SETD2: variants seen among roughly 807,000 people sequenced by gnomAD.
SETD2 encodes the protein SET domain containing 2, histone lysine methyltransferase, also known as histone-lysine N-methyltransferase SETD2.
Under a neutral mutation model 242.1 loss-of-function variants are expected in SETD2, and 31 were observed. The ratio of observed to expected loss-of-function variants is 0.13; its 90% CI spans 0.10 to 0.17. The LOEUF is 0.17. Ranked by LOEUF, SETD2 falls within the 10% of genes least tolerant of loss-of-function variation. SETD2 has a pLI of 1.00. For missense variants in SETD2, 2,481 were observed against 3,046.3 expected (o/e 0.81, Z 4.37); for synonymous variants, 1,006 against 1,066.5 (o/e 0.94, Z 1.11).
intron 1 of SETD2, among the ~76,000 whole-genome samples, chr3:47,153,759 A>G (rs1222730366): frequency 7.5e-6 from 1 of 134,082 alleles, no homozygotes; most frequent in African/African-American, 2.7e-5. Flanking sequence ...TCCAAAAAAG[A>G]AAAAAAAAAA....
chr3:47,048,610 T>C (rs955866140), intron 15 of SETD2, among the ~76,000 whole-genome samples: 31 of 152,202 alleles, frequency 2.0e-4, no homozygotes, highest in African/African-American at 7.2e-4. Context: ...TTTTACTTTA[T>C]AAACAAATTT....
rs1186595470 is a variant in SETD2, at chr3:47,062,344, T to C, written c.6112A>G (p.Thr2038Ala). 4.4e-6 allele frequency: 7 copies of C among 1,586,758 alleles called. No homozygotes were observed. In the East Asian group the frequency reaches 9.0e-5, roughly 20 times the overall value. Residue 2038 changes from threonine (T) to alanine (A), a missense_variant and splice_region_variant, in exon 14 of 21, where the codon ACT (threonine) becomes GCT (alanine). Around this residue, in one of 17 missense-constraint regions of SETD2, gnomAD observed 80 missense variants for 102.6 expected, o/e 0.78. Transcript: ENST00000409792. ...KSQTEKENTT[T>A]ERGRDAVGFR... is the part of the protein sequence containing the mutation. ...CCAACAGCATCCCTTCCTCGTTCAG[T>C]TGCTAAGGGAAAAGGGTGGTTTGTT...
intron 12 of SETD2, among the ~76,000 whole-genome samples, chr3:47,074,873 C>A (rs2040983295): frequency 6.6e-6 from 1 of 152,170 alleles, no homozygotes; most frequent in African/African-American, 2.4e-5. Context: ...CGGTGGCTCA[C>A]GCCTGTAATC....
chr3:47,087,035 T>TA (rs58714292), intron 10 of SETD2, among the ~76,000 whole-genome samples: 135 of 139,890 alleles, frequency 9.7e-4, no homozygotes, highest in Middle Eastern at 7.2e-3. Flanking sequence ...AGCAAGACCC[T>TA]AAAAAAAAAA....
intron 12 of SETD2, among the ~76,000 whole-genome samples, chr3:47,068,366 A>G (rs2040655142): frequency 6.6e-6 from 1 of 152,222 alleles, no homozygotes; most frequent in Non-Finnish European, 1.5e-5. Flanking sequence ...GGAAATCTAT[A>G]TAAATGAAAA....
intron 13 of SETD2, among the ~76,000 whole-genome samples, chr3:47,065,138 C>A (rs2040506025): frequency 6.6e-6 from 1 of 152,186 alleles, no homozygotes; most frequent in African/African-American, 2.4e-5. Context: ...TGATAATCAA[C>A]CCTATAGTGG....
At chr3:47,158,813 C>T (rs866429104) in intron 1 of SETD2, among the ~76,000 whole-genome samples, 2 of 152,254 alleles carry the variant, frequency 1.3e-5, no homozygotes, top group African/African-American at 2.4e-5. Context: ...CTGATTTCTA[C>T]ACAAATCACA....
chr3:47,110,558 G>A (rs1006733102), intron 5 of SETD2, among the ~76,000 whole-genome samples: 2 of 152,044 alleles, frequency 1.3e-5, no homozygotes, highest in African/African-American at 4.8e-5. Context: ...TTTTGGTGGG[G>A]TCTGCCATGG....
At chr3:47,109,394 C>G (rs556014510) in intron 5 of SETD2, among the ~76,000 whole-genome samples, 1 of 152,194 alleles carries the variant, frequency 6.6e-6, no homozygotes, top group East Asian at 1.9e-4. Context: ...GCCTGTAATA[C>G]CAGAACTTTG....
At position 47,121,844 on chromosome 3, in the gene SETD2, T is replaced by C. The variant is rs770681498; in HGVS notation, c.2792A>G (p.Glu931Gly). 3.7e-6 allele frequency: 6 copies of C among 1,614,082 alleles called. No homozygotes were observed. The South Asian group carries it at 6.6e-5, about 18-fold the overall frequency. ...TGAATCAGGAAGGTCACTACCTACT[T>C]CTACTATTGTTTCTTTCCCTGCATG... is the stretch of plus-strand genomic sequence containing the variant. Reference protein sequence around the residue: ...LKHAGKETIVEVGSDLPDSGK... With the variant: ...LKHAGKETIVGVGSDLPDSGK... The change falls in exon 3 of 21, where the codon GAA (glutamate) becomes GGA (glycine). Residue 931 changes from glutamate to glycine, a missense_variant. Physicochemically the swap from Glu to Gly is moderately conservative, Grantham distance 98. Coordinates refer to ENST00000409792, the MANE Select transcript of SETD2 (RefSeq NM_014159.7).
At chr3:47,158,783 ATATTT>A (rs1697395105) in intron 1 of SETD2, among the ~76,000 whole-genome samples, 1 of 152,210 alleles carries the variant, frequency 6.6e-6, no homozygotes, top group Non-Finnish European at 1.5e-5. Context: ...AGTCACCTGC[ATATTT>A]TATTATTAAA....
At chr3:47,125,388 C>A (rs960625942) in intron 2 of SETD2, among the ~76,000 whole-genome samples, 1 of 151,634 alleles carries the variant, frequency 6.6e-6, no homozygotes, top group African/African-American at 2.4e-5. Context: ...TAGGAAATAT[C>A]AAATATCAAC....
chr3:47,092,556 G>A (rs767941233), intron 9 of SETD2, among the ~76,000 whole-genome samples: 5 of 148,898 alleles, frequency 3.4e-5, no homozygotes, highest in African/African-American at 1.2e-4. Flanking sequence ...TTTATAGATA[G>A]TATATATTTA....
chr3:47,031,977 T>G (rs2038790725), intron 18 of SETD2, among the ~76,000 whole-genome samples: 1 of 152,190 alleles, frequency 6.6e-6, no homozygotes, highest in Non-Finnish European at 1.5e-5. Context: ...TTTGGAAATC[T>G]CTTTAAACAT....
chr3:47,026,282 A>C (rs1232315988), intron 18 of SETD2, among the ~76,000 whole-genome samples: 4 of 152,248 alleles, frequency 2.6e-5, no homozygotes, highest in South Asian at 2.1e-4. Flanking sequence ...TTAGAATGGC[A>C]ATCACTAAAA....
chr3:47,064,341 G>A (rs544704177), intron 13 of SETD2, among the ~76,000 whole-genome samples: 11 of 152,210 alleles, frequency 7.2e-5, no homozygotes, highest in African/African-American at 2.6e-4. Flanking sequence ...TACCACATCC[G>A]GGTAGAAAAT....
chr3:47,147,994 T>C (rs931100415), intron 1 of SETD2, among the ~76,000 whole-genome samples: 3 of 152,056 alleles, frequency 2.0e-5, no homozygotes, highest in Non-Finnish European at 4.4e-5. Context: ...AAGGTATGCT[T>C]AGAACCCTCT....
At chr3:47,148,923 A>C (rs551317906) in intron 1 of SETD2, among the ~76,000 whole-genome samples, 1 of 152,324 alleles carries the variant, frequency 6.6e-6, no homozygotes, top group African/African-American at 2.4e-5. Context: ...AGACTACTTA[A>C]GGCACCTGGA....
chr3:47,036,300 A>T (rs2038993363), intron 18 of SETD2, among the ~76,000 whole-genome samples: 1 of 152,198 alleles, frequency 6.6e-6, no homozygotes, highest in Non-Finnish European at 1.5e-5. Flanking sequence ...CATGCCTGTA[A>T]TCCCAACACT....
Sources: gnomAD v4.1 joint callset for allele counts (sites outside exome capture counted in the v4.1 genomes callset) on GRCh38, gnomAD v4.1.1 for gene constraint, gnomAD v4.1.1 regional missense constraint, MANE v1.5 for transcripts, NCBI Gene and HGNC (gene_info 2026-07-23, HGNC 2026-07-21) for gene names.